UNC13C: variants seen among roughly 807,000 people sequenced by gnomAD.
UNC13C encodes unc-13 homolog C.
A neutral mutation model predicts 245.4 loss-of-function variants in UNC13C; 174 were observed. The ratio of observed to expected loss-of-function variants is 0.71; its 90% CI spans 0.63 to 0.80. The LOEUF (loss-of-function observed/expected upper bound fraction) is 0.80. UNC13C is among the 30% of genes least tolerant of loss of function. The probability of loss-of-function intolerance (pLI) is 0.00; values close to 1 mark genes in which losing one functional copy is unlikely to be tolerated. For missense variants in UNC13C, 2,829 were observed against 2,602.9 expected (o/e 1.09, Z -1.89); for synonymous variants, 992 against 895.1 (o/e 1.11, Z -1.93).
At chr15:54,283,715 T>C (rs1326212996) in intron 10 of UNC13C, among the ~76,000 whole-genome samples, 1 of 10,930 alleles carries the variant, frequency 9.1e-5, no homozygotes, top group African/African-American at 1.4e-4. Context: ...TATATATGTG[T>C]GTGTGTGTGT....
chr15:53,960,583 C>A, the UNC13C span, among the ~76,000 whole-genome samples: 3 of 152,040 alleles, frequency 2.0e-5, no homozygotes, highest in African/African-American at 4.8e-5. Context: ...TATGAACACA[C>A]AACACAAAGT....
intron 30 of UNC13C, among the ~76,000 whole-genome samples, chr15:54,613,544 A>C (rs1456338249): frequency 6.6e-6 from 1 of 152,000 alleles, no homozygotes; most frequent in Admixed American, 6.6e-5. Flanking sequence ...TTAACGAATA[A>C]ATATTTATGG....
the UNC13C span, among the ~76,000 whole-genome samples, chr15:53,851,646 G>A: frequency 6.6e-6 from 1 of 152,166 alleles, no homozygotes; most frequent in African/African-American, 2.4e-5. Context: ...CTGTACCCTG[G>A]AGGAAGGAAT....
chr15:54,603,822 C>T (rs919661066), intron 30 of UNC13C, among the ~76,000 whole-genome samples: 16 of 152,168 alleles, frequency 1.1e-4, no homozygotes, highest in African/African-American at 3.9e-4. Context: ...GAGGTCGCAG[C>T]ACTGCACTCC....
rs3083161 is a variant in UNC13C at position 54,505,744 on chromosome 15, CT to C, written c.5302-1355del. Among the ~76,000 whole-genome samples, 541 of 129,806 alleles carry C rather than the reference CT, an allele frequency of 4.2e-3. 1 individual carries two copies. Among genetic ancestry groups the C allele is most frequent in the African/African-American group, 0.01 (353 of 34,486 alleles). 85.2% of individuals were successfully genotyped at this position (129,806 alleles called of 152,430 possible). ...TAGGCACACAGCTTTAAGCTATATT[CT>C]TTTTTTTTTTTTTTTTTGAGACAAT... On this transcript the variant is annotated intron_variant, in intron 22 of 32. Coordinates refer to ENST00000260323, the MANE Select transcript of UNC13C (RefSeq NM_001080534.3).
chr15:54,365,076 A>G (rs2039333037), intron 17 of UNC13C, among the ~76,000 whole-genome samples: 4 of 151,888 alleles, frequency 2.6e-5, no homozygotes, highest in Admixed American at 2.6e-4. Flanking sequence ...TGCCATTTAG[A>G]GAGAGAAAGA....
At chr15:53,934,137 A>T in the UNC13C span, among the ~76,000 whole-genome samples, 87 of 152,296 alleles carry the variant, frequency 5.7e-4, no homozygotes, top group East Asian at 0.016. Flanking sequence ...CAACAACCAG[A>T]TCTCACAAGA....
intron 30 of UNC13C, among the ~76,000 whole-genome samples, chr15:54,578,057 G>A (rs1020834298): frequency 4.6e-5 from 7 of 152,102 alleles, no homozygotes; most frequent in African/African-American, 1.2e-4. Context: ...TCAAAATCCC[G>A]AATCCCACTT....
At chr15:54,599,622 T>C (rs1156585024) in intron 30 of UNC13C, among the ~76,000 whole-genome samples, 3 of 152,098 alleles carry the variant, frequency 2.0e-5, no homozygotes, top group Non-Finnish European at 2.9e-5. Flanking sequence ...GTTCCTGTAG[T>C]AGTGAAATGT....
chr15:54,128,811 T>C (rs761669525), intron 2 of UNC13C, among the ~76,000 whole-genome samples: 1 of 152,178 alleles, frequency 6.6e-6, no homozygotes, highest in Non-Finnish European at 1.5e-5. Context: ...AGAACCCTAG[T>C]TGGGAGGGAA....
intron 17 of UNC13C, among the ~76,000 whole-genome samples, chr15:54,364,968 T>C (rs952760997): frequency 1.3e-5 from 2 of 152,240 alleles, no homozygotes; most frequent in Non-Finnish European, 2.9e-5. Context: ...ACACTAGCGC[T>C]ATGTCTATGG....
Position 54,122,582 on chromosome 15 carries a change from A to C in UNC13C, c.2984-20436A>C, listed in dbSNP as rs2030743583. ...CCTTGTAGCCAATTTCACAATCAAG[A>C]TAGAAAAAAAAATTAATCACCACAG... On this transcript the variant is annotated intron_variant, in intron 2 of 32. Transcript: ENST00000260323. 3.3e-5 allele frequency among the ~76,000 whole-genome samples: 5 copies of C among 152,084 alleles called. No individual in the cohort carries two copies. The South Asian group carries it at 1.0e-3, about 32-fold the overall frequency.
intron 2 of UNC13C, among the ~76,000 whole-genome samples, chr15:54,044,984 G>A (rs1349492518): frequency 1.3e-5 from 2 of 151,912 alleles, no homozygotes; most frequent in East Asian, 1.9e-4. Flanking sequence ...AGTCCCTTAT[G>A]CCATATGTGA....
At chr15:54,602,745 A>G (rs1159086481) in intron 30 of UNC13C, among the ~76,000 whole-genome samples, 1 of 151,820 alleles carries the variant, frequency 6.6e-6, no homozygotes, top group African/African-American at 2.4e-5. Context: ...CACAGCCCCC[A>G]CCCTCCCTCC....
intron 2 of UNC13C, among the ~76,000 whole-genome samples, chr15:54,038,124 A>ATATAAAATTTTTTTTTTTTTTTTTTT: frequency 2.2e-5 from 1 of 45,040 alleles, no homozygotes; most frequent in African/African-American, 1.1e-4. Flanking sequence ...ATATATATAT[A>ATATAAAATTTTTTTTTTTTTTTTTTT]TTTTTTTTTT....
chr15:54,631,600 A>T (rs1035230172), downstream of UNC13C: 1 of 152,176 alleles, frequency 6.6e-6, no homozygotes, highest in Non-Finnish European at 1.5e-5. Flanking sequence ...GGAACTATAC[A>T]GTATATATTC....
At chr15:54,138,290 T>A (rs1215713782) in intron 2 of UNC13C, among the ~76,000 whole-genome samples, 1 of 152,158 alleles carries the variant, frequency 6.6e-6, no homozygotes, top group East Asian at 1.9e-4. Context: ...TTGTGTCATT[T>A]TAAAATATTT....
Position 54,212,294 on chromosome 15 carries a change from A to G in UNC13C, c.3072-22736A>G, listed in dbSNP as rs368833425. Among the ~76,000 whole-genome samples, 3 of 152,184 alleles carry G rather than the reference A, an allele frequency of 2.0e-5. No individual in the cohort carries two copies. The East Asian group carries it at 5.8e-4, about 29-fold the overall frequency. ...CAAACACCAAGCAGGCATGCGCCCA[A>G]AGGAAAAATTCAGGTAGATGTTTGT... On this transcript the variant is annotated intron_variant, in intron 4 of 32. Coordinates refer to ENST00000260323, the MANE Select transcript of UNC13C (RefSeq NM_001080534.3).
the UNC13C span, among the ~76,000 whole-genome samples, chr15:53,931,684 G>A: frequency 6.6e-6 from 1 of 152,054 alleles, no homozygotes; most frequent in South Asian, 2.1e-4. Flanking sequence ...CTAAACCAAG[G>A]TATACACTTG....
Sources: gnomAD v4.1 joint callset for allele counts (sites outside exome capture counted in the v4.1 genomes callset) on GRCh38, gnomAD v4.1.1 for gene constraint, MANE v1.5 for transcripts, NCBI Gene and HGNC (gene_info 2026-07-23, HGNC 2026-07-21) for gene names.